The following SEMA5B variants were observed in gnomAD, a reference collection of about 807,000 sequenced individuals.
The protein encoded by SEMA5B is semaphorin-5B.
Under a neutral mutation model 135.0 loss-of-function variants are expected in SEMA5B, and 66 were observed. The ratio of observed to expected loss-of-function variants is 0.49; its 90% CI spans 0.40 to 0.60. The LOEUF is 0.60. SEMA5B is among the 20% of genes least tolerant of loss of function. The pLI, the probability that SEMA5B is intolerant of heterozygous loss-of-function variation, is 0.00. For missense variants in SEMA5B, 1,501 were observed against 1,566.3 expected (o/e 0.96, Z 0.70); for synonymous variants, 690 against 639.5 (o/e 1.08, Z -1.19).
intron 2 of SEMA5B, among the ~76,000 whole-genome samples, chr3:122,955,530 G>A (rs1940254153): frequency 6.6e-6 from 1 of 152,108 alleles, no homozygotes; most frequent in Admixed American, 6.5e-5. Context: ...AAGACAAACA[G>A]AAATTTCTAT....
chr3:122,953,945 A>G (rs1290822795), intron 2 of SEMA5B, among the ~76,000 whole-genome samples: 1 of 152,246 alleles, frequency 6.6e-6, no homozygotes, highest in Non-Finnish European at 1.5e-5. Context: ...AAAACAGACA[A>G]TTCAGGTCTC....
rs144886060 is a variant in SEMA5B, at chr3:123,022,725, C to A, written c.-39+4739G>T. On this transcript the variant is annotated intron_variant, in intron 1 of 22. Coordinates refer to ENST00000357599, the MANE Select transcript of SEMA5B (RefSeq NM_001031702.4). ...GTCGAATAATTTCTCACTGGTGAGT[C>A]CCCCACTCAAATCAGGACTGAGAGG... 2.3e-3 allele frequency among the ~76,000 whole-genome samples: 352 copies of A among 151,536 alleles called. 2 individuals are homozygous for A. The highest frequency in any genetic ancestry group is 8.2e-3 in the African/African-American group (336 of 40,828).
intron 1 of SEMA5B, among the ~76,000 whole-genome samples, chr3:123,017,908 T>C (rs1942597750): frequency 6.9e-6 from 1 of 145,496 alleles, no homozygotes. Flanking sequence ...TGAGACTCCA[T>C]CTCAAAAAAA....
At chr3:123,007,056 A>C (rs1942332651) in intron 1 of SEMA5B, among the ~76,000 whole-genome samples, 1 of 152,134 alleles carries the variant, frequency 6.6e-6, no homozygotes, top group African/African-American at 2.4e-5. Context: ...TTAGACATAA[A>C]AGAACACTCC....
intron 3 of SEMA5B, among the ~76,000 whole-genome samples, chr3:122,947,179 C>T (rs1354967488): frequency 6.6e-6 from 1 of 152,198 alleles, no homozygotes; most frequent in Admixed American, 6.5e-5. Flanking sequence ...CTGTCCTCTT[C>T]AGTGACAGCC....
At chr3:122,934,081 A>G (rs1451684583) in intron 5 of SEMA5B, among the ~76,000 whole-genome samples, 2 of 124,774 alleles carry the variant, frequency 1.6e-5, no homozygotes, top group East Asian at 4.3e-4. Flanking sequence ...CTAATTTTGT[A>G]CTTTTAGTAG....
At chr3:122,925,179 T>G (rs972448738) in intron 9 of SEMA5B, among the ~76,000 whole-genome samples, 3 of 151,874 alleles carry the variant, frequency 2.0e-5, no homozygotes, top group Non-Finnish European at 2.9e-5. Flanking sequence ...CAAACACCAC[T>G]CCATGCCTTA....
At chr3:122,946,916 G>A (rs1376808965) in intron 3 of SEMA5B, among the ~76,000 whole-genome samples, 1 of 152,100 alleles carries the variant, frequency 6.6e-6, no homozygotes, top group Non-Finnish European at 1.5e-5. Flanking sequence ...ATGGTCTCAA[G>A]GAACCCAGGC....
At chr3:122,914,639 T>A (rs1560284495) in intron 14 of SEMA5B, among the ~76,000 whole-genome samples, 1 of 152,208 alleles carries the variant, frequency 6.6e-6, no homozygotes. Flanking sequence ...ATAGTTTTTT[T>A]AAGAGTGTCC....
At chr3:123,017,099 C>T (rs957617645) in intron 1 of SEMA5B, among the ~76,000 whole-genome samples, 2 of 151,722 alleles carry the variant, frequency 1.3e-5, no homozygotes, top group Non-Finnish European at 2.9e-5. Context: ...CACTGTTAGC[C>T]AGGATGGTCT....
chr3:122,975,963 C>T (rs1242517036), intron 1 of SEMA5B: 2 of 1,534,028 alleles, frequency 1.3e-6, no homozygotes, highest in Non-Finnish European at 1.7e-6. Context: ...CAACACATCC[C>T]AAATCTAGAA....
At chr3:122,917,163 G>T (rs1411655850) in intron 12 of SEMA5B, among the ~76,000 whole-genome samples, 6 of 152,302 alleles carry the variant, frequency 3.9e-5, no homozygotes, top group South Asian at 2.1e-4. Context: ...CAATCCTGGG[G>T]GATACCTCGA....
intron 1 of SEMA5B, among the ~76,000 whole-genome samples, chr3:122,976,509 G>T (rs996913788): frequency 6.6e-6 from 1 of 152,132 alleles, no homozygotes; most frequent in African/African-American, 2.4e-5. Context: ...CTGGGGTTGG[G>T]CCTGTGCATC....
chr3:123,005,424 C>T (rs1429346747), intron 1 of SEMA5B, among the ~76,000 whole-genome samples: 7 of 152,100 alleles, frequency 4.6e-5, no homozygotes, highest in Admixed American at 2.0e-4. Flanking sequence ...TGCAGTGGTG[C>T]GATCATAGCT....
In SEMA5B at chr3:123,021,153, A is replaced by C. The variant is rs527264105; in HGVS notation, c.-39+6311T>G. Among the ~76,000 whole-genome samples, 6 of 152,308 alleles carry C rather than the reference A, an allele frequency of 3.9e-5. No homozygotes were observed. In the East Asian group the frequency reaches 1.2e-3, roughly 29 times the overall value. On this transcript the variant is annotated intron_variant, in intron 1 of 22. Transcript: ENST00000357599. ...AAAGTCCAGGCTCTACCAAAGGAGG[A>C]AGGAAAGAAAGCCCGGATCCCGGGA...
At chr3:122,976,007 C>A in intron 1 of SEMA5B, 1 of 1,535,070 alleles carries the variant, frequency 6.5e-7, no homozygotes, top group Non-Finnish European at 8.7e-7. Context: ...CACCTCGATC[C>A]CTTCGCTTCT....
intron 3 of SEMA5B, 126 bp from the exon 4 acceptor site, chr3:122,943,661 G>A (rs953271644): frequency 3.1e-6 from 2 of 648,416 alleles, no homozygotes; most frequent in East Asian, 2.7e-5. Context: ...CGGGAGACCT[G>A]GTGCCACCTG....
At chr3:122,968,269 G>T (rs1002342877) in intron 1 of SEMA5B, among the ~76,000 whole-genome samples, 6 of 152,188 alleles carry the variant, frequency 3.9e-5, no homozygotes, top group African/African-American at 1.4e-4. Context: ...CTGCATCTAT[G>T]CCACTCCTCT....
chr3:123,016,078 G>C (rs565962874), intron 1 of SEMA5B, among the ~76,000 whole-genome samples: 192 of 152,270 alleles, frequency 1.3e-3, no homozygotes, highest in African/African-American at 4.5e-3. Context: ...GAGGATGAGG[G>C]GTGGGAAGGA....
Sources: allele counts gnomAD v4.1 joint callset (sites outside exome capture counted in the v4.1 genomes callset), GRCh38; gene constraint gnomAD v4.1.1; transcripts MANE v1.5; gene names NCBI Gene and HGNC (gene_info 2026-07-23, HGNC 2026-07-21).